The following BRINP3 variants were observed in gnomAD, a reference collection of about 807,000 sequenced individuals.
The protein encoded by BRINP3 is BMP/retinoic acid-inducible neural-specific protein 3.
In BRINP3, 19 loss-of-function variants were observed where a neutral mutation model predicts 71.0. That is an observed-to-expected ratio of 0.27 (90% CI 0.19 to 0.39). BRINP3 has a LOEUF of 0.39. Ranked by LOEUF, BRINP3 falls within the 10% of genes least tolerant of loss-of-function variation. The probability of loss-of-function intolerance (pLI) is 1.00; values close to 1 mark genes in which losing one functional copy is unlikely to be tolerated. For synonymous variants in BRINP3, 380 were observed against 337.7 expected (o/e 1.13, Z -1.37); for missense variants, 959 against 940.8 (o/e 1.02, Z -0.25).
At chr1:190,416,664 A>G (rs997787513) in intron 2 of BRINP3, among the ~76,000 whole-genome samples, 1 of 152,216 alleles carries the variant, frequency 6.6e-6, no homozygotes, top group African/African-American at 2.4e-5. Flanking sequence ...GCATTTATTC[A>G]GCATAAATAT....
intron 2 of BRINP3, among the ~76,000 whole-genome samples, chr1:190,400,134 C>A (rs1476929412): frequency 6.6e-6 from 1 of 151,974 alleles, no homozygotes; most frequent in African/African-American, 2.4e-5. Context: ...CTGAAAACAC[C>A]TGATATGACA....
chr1:190,220,930 A>G (rs1656829307), intron 6 of BRINP3, among the ~76,000 whole-genome samples: 1 of 152,196 alleles, frequency 6.6e-6, no homozygotes, highest in Non-Finnish European at 1.5e-5. Context: ...CCTCATATGA[A>G]GCCCAAAAGT....
chr1:190,100,026 C>G (rs770757926), intron 7 of BRINP3, among the ~76,000 whole-genome samples: 11 of 152,128 alleles, frequency 7.2e-5, no homozygotes, highest in Non-Finnish European at 1.3e-4. Context: ...TTGTTGCTTT[C>G]TCATACTGCA....
intron 2 of BRINP3, among the ~76,000 whole-genome samples, chr1:190,336,884 T>C (rs1394653355): frequency 2.1e-5 from 3 of 145,218 alleles, no homozygotes; most frequent in Non-Finnish European, 4.5e-5. Flanking sequence ...CCTTCCTTCC[T>C]TCCTTCCTCC....
In BRINP3 at chr1:190,396,965, T is replaced by C. The variant is rs141881800; in HGVS notation, c.236+57690A>G. Among the ~76,000 whole-genome samples the C allele has an allele frequency of 2.2e-3, 337 of 151,652 alleles. 1 individual carries two copies. The highest frequency in any genetic ancestry group is 3.9e-3 in the Non-Finnish European group (265 of 67,842). On this transcript the variant is annotated intron_variant, in intron 2 of 7. Transcript: ENST00000367462. ...TTCACATTTCTCCATTTTTAAAATG[T>C]CTCTTCAAGACAAAGGGGATGTATG...
intron 6 of BRINP3, among the ~76,000 whole-genome samples, chr1:190,187,224 A>G (rs551018971): frequency 6.6e-6 from 1 of 152,094 alleles, no homozygotes; most frequent in South Asian, 2.1e-4. Context: ...TAAATTGGCT[A>G]ATTTGTTTTA....
rs539008222 is a variant in BRINP3, at chr1:190,099,198, C to T, written c.1185-64G>A. 218 of 1,464,070 alleles carry T rather than the reference C, an allele frequency of 1.5e-4. No homozygotes were observed. In the South Asian group the frequency reaches 2.7e-3, roughly 18 times the overall value. The allele number at this position is 1,464,070 out of a possible 1,614,324, so 90.7% of individuals were successfully genotyped here. On this transcript the variant is annotated intron_variant, in intron 7 of 7. Transcript: ENST00000367462. ...AGATATTCTGTGTACTGCAGTAAACCGTAGCTCAGAAATCTTTGCTATCAT... is the reference window on the plus strand; with the variant it reads ...AGATATTCTGTGTACTGCAGTAAACTGTAGCTCAGAAATCTTTGCTATCAT...
In BRINP3 at chr1:190,170,593, T is replaced by G. The variant is rs76224057; in HGVS notation, c.962-9703A>C. On this transcript the variant is annotated intron_variant, in intron 6 of 7. Coordinates refer to ENST00000367462, the MANE Select transcript of BRINP3 (RefSeq NM_199051.3). The stretch of plus-strand genomic sequence containing the variant: ...AAAAACAGTTGAAATAACATATGTT[T>G]TACAATTCTAAGACTTAATACTAAT... Among the ~76,000 whole-genome samples, 60 of 152,200 alleles carry G rather than the reference T, an allele frequency of 3.9e-4. 1 individual carries two copies. In the East Asian group the frequency reaches 0.011, roughly 28 times the overall value.
chr1:190,348,916 C>T (rs985200928), intron 2 of BRINP3, among the ~76,000 whole-genome samples: 2 of 152,104 alleles, frequency 1.3e-5, no homozygotes, highest in Non-Finnish European at 2.9e-5. Flanking sequence ...CACAACGCAA[C>T]TTGTTCTTCA....
At chr1:190,233,226 G>A (rs1420055301) in intron 5 of BRINP3, among the ~76,000 whole-genome samples, 4 of 152,098 alleles carry the variant, frequency 2.6e-5, no homozygotes, top group Admixed American at 6.6e-5. Flanking sequence ...GCGATGTCCA[G>A]GCTGGAGTGA....
At chr1:190,307,854 A>T (rs893319908) in intron 2 of BRINP3, among the ~76,000 whole-genome samples, 3 of 152,048 alleles carry the variant, frequency 2.0e-5, no homozygotes, top group Non-Finnish European at 4.4e-5. Flanking sequence ...AAATAATTAA[A>T]TGTGTGACTA....
chr1:190,231,531 T>C (rs1657986787), intron 5 of BRINP3, among the ~76,000 whole-genome samples: 1 of 151,848 alleles, frequency 6.6e-6, no homozygotes, highest in African/African-American at 2.4e-5. Flanking sequence ...ACTTAATAAA[T>C]GACTTTTCAT....
intron 2 of BRINP3, among the ~76,000 whole-genome samples, chr1:190,347,417 G>A (rs1221857864): frequency 1.3e-5 from 2 of 152,122 alleles, no homozygotes; most frequent in African/African-American, 2.4e-5. Flanking sequence ...TGGGATTACA[G>A]GCATGAGCCA....
intron 1 of BRINP3, among the ~76,000 whole-genome samples, chr1:190,473,465 A>G: frequency 6.6e-6 from 1 of 152,074 alleles, no homozygotes; most frequent in Non-Finnish European, 1.5e-5. Context: ...AATTTAAATA[A>G]TACAATTTCT....
intron 2 of BRINP3, among the ~76,000 whole-genome samples, chr1:190,323,782 C>A (rs1201646932): frequency 6.6e-6 from 1 of 151,622 alleles, no homozygotes. Context: ...TTCAGTTACA[C>A]CAAAGATATT....
intron 2 of BRINP3, among the ~76,000 whole-genome samples, chr1:190,395,407 T>G (rs543449215): frequency 6.6e-6 from 1 of 151,780 alleles, no homozygotes; most frequent in South Asian, 2.1e-4. Context: ...TAACTGCACT[T>G]TGTATGCAAT....
At chr1:190,148,649 AAATTC>A (rs1558008966) in intron 7 of BRINP3, among the ~76,000 whole-genome samples, 2 of 142,000 alleles carry the variant, frequency 1.4e-5, no homozygotes, top group African/African-American at 2.7e-5. Context: ...ATAAATAAAT[AAATTC>A]TATCTCCTCA....
intron 7 of BRINP3, among the ~76,000 whole-genome samples, chr1:190,104,237 A>G (rs1322626577): frequency 1.3e-5 from 2 of 151,972 alleles, no homozygotes; most frequent in Non-Finnish European, 2.9e-5. Flanking sequence ...TTCTTGAGTG[A>G]CAATACACTA....
chr1:190,228,652 A>T (rs10920663), intron 5 of BRINP3, among the ~76,000 whole-genome samples: 60,813 of 151,658 alleles, frequency 0.4, 13,171 homozygotes, highest in Non-Finnish European at 0.49. Context: ...TTTTGAGAAA[A>T]GAGGTTTAGG....
Sources: gnomAD v4.1 joint callset for allele counts (sites outside exome capture counted in the v4.1 genomes callset) on GRCh38, gnomAD v4.1.1 for gene constraint, MANE v1.5 for transcripts, NCBI Gene and HGNC (gene_info 2026-07-23, HGNC 2026-07-21) for gene names.